Variants in SPRED1 observed in about 807,000 individuals in gnomAD.
SPRED1 encodes the protein sprouty-related, EVH1 domain-containing protein 1.
A neutral mutation model predicts 52.3 loss-of-function variants in SPRED1; 18 were observed. The observed-to-expected ratio is 0.34, with a 90% CI of 0.24 to 0.51. The LOEUF (loss-of-function observed/expected upper bound fraction) is 0.51, where lower values mean the gene tolerates loss of function less well. Ranked by LOEUF, SPRED1 falls within the 20% of genes least tolerant of loss-of-function variation. SPRED1 has a pLI of 0.97. For synonymous variants in SPRED1, 155 were observed against 179.7 expected (o/e 0.86, Z 1.10); for missense variants, 485 against 551.0 (o/e 0.88, Z 1.20).
intron 4 of SPRED1, among the ~76,000 whole-genome samples, chr15:38,334,861 A>G (rs965687952): frequency 6.8e-6 from 1 of 147,428 alleles, no homozygotes; most frequent in Non-Finnish European, 1.5e-5. Context: ...TCAATCTCTC[A>G]AAGTAGAAAT....
At chr15:38,273,014 G>A (rs138713545) in intron 1 of SPRED1, among the ~76,000 whole-genome samples, 1 of 152,148 alleles carries the variant, frequency 6.6e-6, no homozygotes, top group East Asian at 1.9e-4. Context: ...CCTTTGCTGT[G>A]CAGAAGCTGT....
At chr15:38,338,105 A>C (rs1332378559) in intron 4 of SPRED1, among the ~76,000 whole-genome samples, 1 of 149,814 alleles carries the variant, frequency 6.7e-6, no homozygotes, top group Non-Finnish European at 1.5e-5. Flanking sequence ...TCAGCTACTC[A>C]GGAGGCTGAG....
At chr15:38,297,972 T>C (rs1472271793) in intron 1 of SPRED1, among the ~76,000 whole-genome samples, 1 of 152,178 alleles carries the variant, frequency 6.6e-6, no homozygotes, top group Non-Finnish European at 1.5e-5. Context: ...ACTTTAAAAG[T>C]ATATTCTCTA....
rs200389801 is a variant in SPRED1, at chr15:38,313,607, C to T, written c.208-8634C>T. On this transcript the variant is annotated intron_variant, in intron 2 of 6. Coordinates refer to ENST00000299084, the MANE Select transcript of SPRED1 (RefSeq NM_152594.3). ...GACTAAAACAGGAATTCATATTATC[C>T]GTTACATTATATTATATTATCTGTT... is the stretch of plus-strand genomic sequence containing the variant. Among the ~76,000 whole-genome samples the T allele has an allele frequency of 8.6e-5, 13 of 151,090 alleles. No homozygotes were observed. The East Asian group carries it at 1.5e-3, about 18-fold the overall frequency.
At chr15:38,307,497 C>T (rs1398505340) in intron 2 of SPRED1, among the ~76,000 whole-genome samples, 1 of 152,108 alleles carries the variant, frequency 6.6e-6, no homozygotes. Context: ...AAAGCACTAG[C>T]CCTATCAGAT....
chr15:38,267,332 C>T (rs549428647), intron 1 of SPRED1, among the ~76,000 whole-genome samples: 12 of 152,220 alleles, frequency 7.9e-5, no homozygotes, highest in African/African-American at 2.4e-4. Flanking sequence ...TTTGCTATTA[C>T]AAATAACATT....
At chr15:38,259,574 G>C (rs1595711326) in intron 1 of SPRED1, among the ~76,000 whole-genome samples, 1 of 152,140 alleles carries the variant, frequency 6.6e-6, no homozygotes, top group South Asian at 2.1e-4. Flanking sequence ...AAAAAAGTAT[G>C]GCCTCCATCT....
At chr15:38,311,923 G>A (rs769498059) in intron 2 of SPRED1, among the ~76,000 whole-genome samples, 4 of 151,622 alleles carry the variant, frequency 2.6e-5, no homozygotes, top group African/African-American at 4.8e-5. Flanking sequence ...TGCTTGCTTT[G>A]GGTTTATTTT....
chr15:38,274,290 T>C (rs1385958601), intron 1 of SPRED1, among the ~76,000 whole-genome samples: 2 of 152,178 alleles, frequency 1.3e-5, no homozygotes, highest in Admixed American at 6.5e-5. Flanking sequence ...TCCCACAGAC[T>C]GGAAGGTGTA....
chr15:38,261,400 A>G (rs1050018556), intron 1 of SPRED1, among the ~76,000 whole-genome samples: 18 of 152,196 alleles, frequency 1.2e-4, no homozygotes, highest in Admixed American at 9.2e-4. Flanking sequence ...TGTGTCTGAA[A>G]TTTCTGAATT....
chr15:38,328,445 A>G (rs767218327), intron 4 of SPRED1, among the ~76,000 whole-genome samples: 10 of 152,222 alleles, frequency 6.6e-5, no homozygotes, highest in African/African-American at 1.2e-4. Context: ...ATCAATTATC[A>G]TAAGTCAACA....
chr15:38,279,594 C>T (rs1894642984), intron 1 of SPRED1, among the ~76,000 whole-genome samples: 1 of 152,204 alleles, frequency 6.6e-6, no homozygotes, highest in Admixed American at 6.5e-5. Flanking sequence ...AGGTCCAGCT[C>T]TTTTACTTAC....
At chr15:38,253,598 G>A (rs940026) in intron 1 of SPRED1, among the ~76,000 whole-genome samples, 32,128 of 151,902 alleles carry the variant, frequency 0.21, 3,953 homozygotes, top group South Asian at 0.28. Context: ...CTTTATAGCT[G>A]TTTCACTTGG....
intron 4 of SPRED1, among the ~76,000 whole-genome samples, chr15:38,332,910 A>G (rs1460107910): frequency 6.6e-6 from 1 of 152,152 alleles, no homozygotes; most frequent in African/African-American, 2.4e-5. Context: ...GTGAGGGCCC[A>G]CTTTCAGGTT....
intron 2 of SPRED1, among the ~76,000 whole-genome samples, chr15:38,305,189 G>A (rs999156940): frequency 2.0e-5 from 3 of 151,962 alleles, no homozygotes; most frequent in African/African-American, 7.3e-5. Context: ...AAAATTAGCT[G>A]GGCATGGGGG....
Position 38,316,081 on chromosome 15 carries a change from G to A in SPRED1, c.208-6160G>A, listed in dbSNP as rs1303323348. Among the ~76,000 whole-genome samples, 5 of 151,962 alleles carry A rather than the reference G, an allele frequency of 3.3e-5. No homozygotes were observed. The East Asian group carries it at 9.7e-4, about 29-fold the overall frequency. Reference sequence around the variant, plus strand: ...GGGAAGTGAATGTGTCATGTTCCTGGCCTGTTCTATTTTTCATAGCTTAAT... The same window carrying A: ...GGGAAGTGAATGTGTCATGTTCCTGACCTGTTCTATTTTTCATAGCTTAAT... On this transcript the variant is annotated intron_variant, in intron 2 of 6. Coordinates refer to ENST00000299084, the MANE Select transcript of SPRED1 (RefSeq NM_152594.3).
chr15:38,263,347 A>G (rs1894240974), intron 1 of SPRED1, among the ~76,000 whole-genome samples: 1 of 152,186 alleles, frequency 6.6e-6, no homozygotes. Context: ...CTATAGGTTG[A>G]GTTCTCAAAA....
At chr15:38,254,227 G>A (rs1894045058) in intron 1 of SPRED1, among the ~76,000 whole-genome samples, 1 of 152,152 alleles carries the variant, frequency 6.6e-6, no homozygotes, top group Non-Finnish European at 1.5e-5. Flanking sequence ...TAGTCATTTG[G>A]ATGCATTCCT....
Position 38,352,968 on chromosome 15 carries a change from CA to C in SPRED1, c.*1308del, listed in dbSNP as rs904088124. On this transcript the variant is annotated 3_prime_UTR_variant, in exon 7 of 7. Transcript: ENST00000299084. Reference sequence around the variant, plus strand: ...ATTATATTACTGGATGTTTAATTTACAAAATAGTTGGGTAAATGTTCCAACA... The same window carrying C: ...ATTATATTACTGGATGTTTAATTTACAAATAGTTGGGTAAATGTTCCAACA... 6.6e-6 allele frequency: 1 copy of C among 152,092 alleles called. No homozygotes were observed. The highest frequency in any genetic ancestry group is 1.5e-5 in the Non-Finnish European group (1 of 67,930). The allele number at this position is 152,092 out of a possible 1,614,324, so 9.4% of individuals were successfully genotyped here.
Sources: gnomAD v4.1 joint callset for allele counts (sites outside exome capture counted in the v4.1 genomes callset) on GRCh38, gnomAD v4.1.1 for gene constraint, MANE v1.5 for transcripts, NCBI Gene and HGNC (gene_info 2026-07-23, HGNC 2026-07-21) for gene names.